KDR: variants seen among roughly 807,000 people sequenced by gnomAD.
KDR encodes kinase insert domain receptor, also known as vascular endothelial growth factor receptor 2.
In KDR, 43 loss-of-function variants were observed where a neutral mutation model predicts 160.9. That is an observed-to-expected ratio of 0.27 (90% confidence interval 0.21 to 0.34). The LOEUF (loss-of-function observed/expected upper bound fraction) is 0.34. Among genes scored for constraint, KDR ranks in the 10% least tolerant of loss-of-function variants. The pLI, the probability that KDR is intolerant of heterozygous loss-of-function variation, is 1.00. For missense variants in KDR, 1,469 were observed against 1,666.4 expected (o/e 0.88, Z 2.06); for synonymous variants, 617 against 600.1 (o/e 1.03, Z -0.41).
intron 15 of KDR, 25 bp downstream of exon 15, chr4:55,101,872 C>G (rs2110020399): frequency 1.3e-6 from 2 of 1,595,422 alleles, no homozygotes. Flanking sequence ...TGTATATGTA[C>G]CACATTTTTT....
chr4:55,085,976 A>G (rs937100335), intron 27 of KDR, among the ~76,000 whole-genome samples: 8 of 152,242 alleles, frequency 5.3e-5, no homozygotes, highest in Non-Finnish European at 1.5e-5. Context: ...TTGGTCACAG[A>G]AAACACATGG....
intron 21 of KDR, among the ~76,000 whole-genome samples, chr4:55,094,055 A>C (rs1042411807): frequency 6.6e-5 from 10 of 151,968 alleles, no homozygotes; most frequent in African/African-American, 2.4e-4. Flanking sequence ...CAAAAAAAAA[A>C]AAAATTAGCT....
intron 10 of KDR, 79 bp from the exon 11 acceptor site, chr4:55,106,889 CTT>C: frequency 7.9e-7 from 1 of 1,268,894 alleles, no homozygotes; most frequent in Non-Finnish European, 1.2e-6. Flanking sequence ...AAGATTCAGA[CTT>C]TGGTTATTCT....
chr4:55,110,928 C>T (rs1720566141), intron 7 of KDR, among the ~76,000 whole-genome samples, 160 bp from the exon 8 acceptor site: 1 of 152,094 alleles, frequency 6.6e-6, no homozygotes, highest in Admixed American at 6.5e-5. Flanking sequence ...TCAGCTTCTC[C>T]CACACCTCCC....
At position 55,082,576 on chromosome 4, in the gene KDR, T is replaced by A; in HGVS notation, c.3722A>T (p.Asp1241Val). 6.2e-7 allele frequency: 1 copy of A among 1,613,950 alleles called. No individual in the cohort carries two copies. The highest frequency in any genetic ancestry group is 8.5e-7 in the Non-Finnish European group (1 of 1,179,864). Residue 1241 changes from aspartate (D) to valine (V), a missense_variant, in exon 28 of 30, where the codon GAT becomes GTT. Asp to Val is a radical substitution (Grantham distance 152). This residue lies in a region of KDR where 229 missense variants were observed against 197.8 expected (regional missense o/e 1.16). Coordinates refer to ENST00000263923, the MANE Select transcript of KDR (RefSeq NM_002253.4). ...SRPVSVKTFE[D>V]IPLEEPEVKV... is the part of the protein sequence containing the mutation. Reference sequence around the variant, plus strand: ...TACTTCTGGTTCTTCTAACGGGATATCTTCAAATGTTTTTACACTCACAGG... The same window carrying A: ...TACTTCTGGTTCTTCTAACGGGATAACTTCAAATGTTTTTACACTCACAGG...
rs764372658 is a variant in KDR at position 55,098,215 on chromosome 4, G to T, written c.2431C>A (p.Leu811Ile). 4 of 1,613,652 alleles carry T rather than the reference G, an allele frequency of 2.5e-6. No homozygotes were observed. In the African/African-American group the frequency reaches 4.0e-5, roughly 16 times the overall value. Residue 811 changes from leucine to isoleucine, a missense_variant, in exon 17 of 30, where the codon CTC (leucine) becomes ATC (isoleucine). This residue lies in a region of KDR where 118 missense variants were observed against 110.8 expected (regional missense o/e 1.06). Coordinates refer to ENST00000263923, the MANE Select transcript of KDR (RefSeq NM_002253.4). ...CGTTCACAATGTTCATCCAATGGGA[G>T]TTCATCTGGATCCATGACGATGGAC... ...YLSIVMDPDE[L>I]PLDEHCERLP...
chr4:55,097,913 AT>A, intron 17 of KDR, 147 bp from the exon 18 acceptor site: 2 of 838,704 alleles, frequency 2.4e-6, no homozygotes, highest in Middle Eastern at 2.2e-4. Flanking sequence ...TGGCTTAATT[AT>A]TTAATAACTC....
In KDR at chr4:55,080,180, A is replaced by T. The variant is rs772187092; in HGVS notation, c.3849-17T>A. 1 of 1,608,996 alleles carries T rather than the reference A, an allele frequency of 6.2e-7. No homozygotes were observed. The highest frequency in any genetic ancestry group is 1.3e-5 in the African/African-American group (1 of 74,786). ...ACCATTCCACTGCAGAAGAAATGGC[A>T]AACAAAGGAGTTGGCAGAGAGAAGA... is the stretch of plus-strand genomic sequence containing the variant. On this transcript the variant is annotated splice_polypyrimidine_tract_variant and intron_variant, in intron 29 of 29. Transcript: ENST00000263923.
At chr4:55,093,260 G>A (rs1462917351) in intron 21 of KDR, among the ~76,000 whole-genome samples, 1 of 152,136 alleles carries the variant, frequency 6.6e-6, no homozygotes, top group Non-Finnish European at 1.5e-5. Flanking sequence ...TGGCCTGGGA[G>A]GGTGTTTTTT....
intron 22 of KDR, among the ~76,000 whole-genome samples, chr4:55,091,534 C>G (rs1026416658): frequency 6.6e-6 from 1 of 152,118 alleles, no homozygotes; most frequent in African/African-American, 2.4e-5. Context: ...GTGTAAAGGG[C>G]CTTTCTCTTT....
In KDR at chr4:55,118,610, C is replaced by T. The variant is rs774047462; in HGVS notation, c.352G>A (p.Val118Ile). The T allele has an allele frequency of 1.9e-6, 3 of 1,612,694 alleles. No homozygotes were observed. Among genetic ancestry groups the T allele is most frequent in the African/African-American group, 1.3e-5 (1 of 74,886 alleles). The stretch of plus-strand genomic sequence containing the variant: ...ATTTTATTTCACCACTTACCTTGAA[C>T]ATAGACATAAATGACCGAGGCCAAG... ...TDLASVIYVY[V>I]QDYRSPFIAS... Residue 118 changes from valine to isoleucine, a missense_variant, in exon 3 of 30, where the codon GTT becomes ATT. By Grantham distance (29) the Val-to-Ile change is conservative (BLOSUM62 3). This residue lies in a region of KDR where 792 missense variants were observed against 840.9 expected (regional missense o/e 0.94). Transcript: ENST00000263923.
intron 2 of KDR, 105 bp from the exon 3 acceptor site, chr4:55,118,905 C>A: frequency 1.1e-6 from 1 of 882,018 alleles, no homozygotes. Flanking sequence ...AACTCTTCAA[C>A]AGACACAGTC....
In KDR at chr4:55,114,107, T is replaced by C. The variant is rs959821504; in HGVS notation, c.798+19A>G. 1.2e-6 allele frequency: 2 copies of C among 1,613,686 alleles called. No homozygotes were observed. Among genetic ancestry groups the C allele is most frequent in the African/African-American group, 2.7e-5 (2 of 74,906 alleles). On this transcript the variant is annotated intron_variant, in intron 6 of 29. Transcript: ENST00000263923. ...TTATCTAAGTATTTGGAGGTCTGGC[T>C]TTGAATCATTAGCGTTACCTTCGAA... is the stretch of plus-strand genomic sequence containing the variant.
At chr4:55,102,286 A>G (rs776747718) in intron 14 of KDR, 76 bp downstream of exon 14, 26 of 1,527,296 alleles carry the variant, frequency 1.7e-5, no homozygotes, top group Non-Finnish European at 1.9e-5. Context: ...CATTACATCA[A>G]GAAATAATAT....
Position 55,104,617 on chromosome 4 carries a change from A to T in KDR, c.1987+26T>A, listed in dbSNP as rs201852355. ...TTTAAGGCATTCCAACTGCCTCTGCACAATGATCCAGAATTGTCTCCCTAC... is the reference window on the plus strand; with the variant it reads ...TTTAAGGCATTCCAACTGCCTCTGCTCAATGATCCAGAATTGTCTCCCTAC... On this transcript the variant is annotated intron_variant, in intron 13 of 29. Transcript: ENST00000263923. The T allele has an allele frequency of 6.9e-6, 11 of 1,589,540 alleles. No individual in the cohort carries two copies. The Admixed American group carries it at 1.8e-4, about 27-fold the overall frequency.
chr4:55,087,891 A>C, intron 26 of KDR, 133 bp from the exon 27 acceptor site: 1 of 817,198 alleles, frequency 1.2e-6, no homozygotes, highest in Non-Finnish European at 2.1e-6. Context: ...TAGAACTTTA[A>C]GACAACAATA....
In KDR at chr4:55,107,863, A is replaced by G. The variant is rs757198176; in HGVS notation, c.1286T>C (p.Ile429Thr). The G allele has an allele frequency of 6.8e-6, 11 of 1,613,834 alleles. No homozygotes were observed. The highest frequency in any genetic ancestry group is 4.0e-5 in the African/African-American group (3 of 74,908). ...VPPQIGEKSL[I>T]SPVDSYQYGT... ...GTACTGGTAGGAATCCACAGGAGAG[A>G]TTAGAGATTTCTCACCAATCTGGGG... Residue 429 changes from isoleucine (I) to threonine (T), a missense_variant, in exon 10 of 30, where the codon ATC becomes ACC. Ile to Thr is a moderately conservative substitution (Grantham distance 89, BLOSUM62 -1). Transcript: ENST00000263923.
At chr4:55,087,492 A>T in intron 27 of KDR, 115 bp downstream of exon 27, 1 of 899,536 alleles carries the variant, frequency 1.1e-6, no homozygotes, top group South Asian at 1.6e-5. Context: ...GGCTAAGGTT[A>T]TGTGGAAGTG....
At chr4:55,088,723 CATT>C in intron 26 of KDR, 142 bp downstream of exon 26, 1 of 702,398 alleles carries the variant, frequency 1.4e-6, no homozygotes, top group South Asian at 1.5e-5. Flanking sequence ...TTTAGAAAAG[CATT>C]ATTACTCAGA....
Sources: allele counts gnomAD v4.1 joint callset (sites outside exome capture counted in the v4.1 genomes callset), GRCh38; gene constraint gnomAD v4.1.1; regional missense constraint gnomAD v4.1.1; transcripts MANE v1.5; gene names NCBI Gene and HGNC (gene_info 2026-07-23, HGNC 2026-07-21).